Variants in SMIM27 observed in about 807,000 individuals in gnomAD.
SMIM27 encodes the protein TOPORS antisense RNA 1 (non-protein coding).
Under a neutral mutation model 1.8 loss-of-function variants are expected in SMIM27, and 3 were observed. The ratio of observed to expected loss-of-function variants is 1.65; its 90% CI spans 0.75 to 4.28. The LOEUF is 4.28. SMIM27 is among the 30% of genes most tolerant of loss of function. The probability of loss-of-function intolerance (pLI) is 0.02; values close to 1 mark genes in which losing one functional copy is unlikely to be tolerated. For synonymous variants in SMIM27, 19 were observed against 13.9 expected, an observed-to-expected ratio of 1.37 and a Z score of -0.82; for missense variants, 63 against 37.0, an observed-to-expected ratio of 1.70 and a Z score of -1.83.
chr9:32,551,163 G>A, upstream of SMIM27: 1 of 671,104 alleles, frequency 1.5e-6, no homozygotes, highest in Non-Finnish European at 2.6e-6. Context: ...CCAGACCCCG[G>A]AGGAGGGCAG....
At chr9:32,565,050 TG>T (rs1274936645) in intron 1 of SMIM27, among the ~76,000 whole-genome samples, 2 of 152,182 alleles carry the variant, frequency 1.3e-5, no homozygotes, top group African/African-American at 4.8e-5. Context: ...CCCAGCACTT[TG>T]GGTGGCCAAA....
At chr9:32,553,140 C>T (rs1202427145), downstream of SMIM27, 1 of 430,606 alleles carries the variant, frequency 2.3e-6, no homozygotes, top group African/African-American at 2.1e-5. Flanking sequence ...AGTGTCAGAT[C>T]ATAGTTGGAA....
exon 2 of SMIM27, chr9:32,566,459 A>G (rs1821792453): frequency 1.2e-6 from 1 of 811,972 alleles, no homozygotes; most frequent in Non-Finnish European, 2.2e-6. Flanking sequence ...CTTGACAAGC[A>G]GCCGTCCATG....
At chr9:32,556,338 C>T (rs890442645), downstream of SMIM27, among the ~76,000 whole-genome samples, 1 of 152,182 alleles carries the variant, frequency 6.6e-6, no homozygotes, top group East Asian at 1.9e-4. Context: ...AGCTTAGATC[C>T]TAAAAATCAT....
chr9:32,565,078 A>C (rs1821742305), intron 1 of SMIM27, among the ~76,000 whole-genome samples: 1 of 152,110 alleles, frequency 6.6e-6, no homozygotes, highest in Non-Finnish European at 1.5e-5. Context: ...AGATCACTTG[A>C]GGTCAGGAGT....
intron 1 of SMIM27, among the ~76,000 whole-genome samples, chr9:32,565,186 G>C (rs1044331193): frequency 4.6e-5 from 7 of 152,036 alleles, no homozygotes; most frequent in African/African-American, 1.5e-4. Context: ...CCAGCTACTT[G>C]GTAGGCTGAG....
chr9:32,552,776 ACCT>A (rs2118989743), intron 1 of SMIM27, 22 bp from the exon 2 acceptor site: 3 of 697,606 alleles, frequency 4.3e-6, no homozygotes, highest in East Asian at 2.7e-5. Context: ...TAGATTTCAC[ACCT>A]CCTTTGCGAT....
intron 1 of SMIM27, among the ~76,000 whole-genome samples, chr9:32,560,685 C>T (rs1242373590): frequency 6.6e-6 from 1 of 152,048 alleles, no homozygotes; most frequent in Non-Finnish European, 1.5e-5. Flanking sequence ...ATTGAACACA[C>T]AAAATGTATA....
intron 1 of SMIM27, among the ~76,000 whole-genome samples, chr9:32,562,344 C>T (rs559683739): frequency 1.1e-4 from 16 of 152,202 alleles, no homozygotes; most frequent in East Asian, 1.9e-4. Flanking sequence ...GCTTAGTACA[C>T]GGAACAAAGA....
chr9:32,559,026 C>T (rs897267702), intron 1 of SMIM27: 19 of 1,093,968 alleles, frequency 1.7e-5, no homozygotes, highest in Non-Finnish European at 2.6e-5. Context: ...ATAGGTCATA[C>T]CCCAAATTTT....
At position 32,561,494 on chromosome 9, in the gene SMIM27, AT is replaced by A. The variant is rs563250830; in HGVS notation, c.46-4890del. Among the ~76,000 whole-genome samples the A allele has an allele frequency of 3.3e-3, 506 of 151,910 alleles. 3 individuals are homozygous for A. The highest frequency in any genetic ancestry group is 4.5e-3 in the Non-Finnish European group (309 of 67,936). ...AGGCACATGCCACCAAGCCCAGCTA[AT>A]TTTTTTGTATTTTAGTAGAGATGGG... On this transcript the variant is annotated intron_variant, in intron 1 of 1. Transcript: ENST00000451672.
chr9:32,562,531 G>A (rs1308045833), intron 1 of SMIM27, among the ~76,000 whole-genome samples: 1 of 152,192 alleles, frequency 6.6e-6, no homozygotes, highest in East Asian at 1.9e-4. Context: ...TAATTTGTTA[G>A]ACAGTCCTTA....
chr9:32,552,174 C>CAAA (rs35415231), upstream of SMIM27: 7 of 496,554 alleles, frequency 1.4e-5, no homozygotes, highest in African/African-American at 7.1e-5. Context: ...CCTTAGTTGG[C>CAAA]AAAAAAAAAA....
At chr9:32,564,231 T>C (rs570875736) in intron 1 of SMIM27, among the ~76,000 whole-genome samples, 1 of 152,314 alleles carries the variant, frequency 6.6e-6, no homozygotes, top group African/African-American at 2.4e-5. Context: ...TCCAATTCCA[T>C]TCTACCACCA....
At chr9:32,555,889 C>T (rs762883413), downstream of SMIM27, among the ~76,000 whole-genome samples, 3 of 152,216 alleles carry the variant, frequency 2.0e-5, no homozygotes, top group African/African-American at 4.8e-5. Flanking sequence ...TTCTCACACA[C>T]GGGTTAGGAG....
At chr9:32,561,228 A>G (rs1424538521) in intron 1 of SMIM27, among the ~76,000 whole-genome samples, 1 of 152,154 alleles carries the variant, frequency 6.6e-6, no homozygotes, top group Non-Finnish European at 1.5e-5. Flanking sequence ...TTCCTCTTAG[A>G]ACTAACAATC....
intron 1 of SMIM27, chr9:32,566,224 G>GT (rs1821784878): frequency 4.6e-6 from 4 of 874,544 alleles, no homozygotes; most frequent in African/African-American, 1.6e-5. Context: ...GTCATAGCTG[G>GT]TTTTGTGGGT....
chr9:32,566,384 G>T, intron 1 of SMIM27: 1 of 1,071,206 alleles, frequency 9.3e-7, no homozygotes, highest in Non-Finnish European at 1.5e-6. Flanking sequence ...TCCACTATGT[G>T]ATCCAGGTTC....
intron 1 of SMIM27, among the ~76,000 whole-genome samples, chr9:32,563,228 C>CG (rs1387846417): frequency 1.3e-5 from 2 of 152,136 alleles, no homozygotes; most frequent in Non-Finnish European, 2.9e-5. Context: ...ACTAAGGTGG[C>CG]GTCTGCCAGA....
Sources: gnomAD v4.1 joint callset for allele counts (sites outside exome capture counted in the v4.1 genomes callset) on GRCh38, gnomAD v4.1.1 for gene constraint, MANE v1.5 for transcripts, NCBI Gene and HGNC (gene_info 2026-07-23, HGNC 2026-07-21) for gene names.